MRC2: variants seen among roughly 807,000 people sequenced by gnomAD.
The protein encoded by MRC2 is C-type mannose receptor 2.
In MRC2, 84 loss-of-function variants were observed where a neutral mutation model predicts 206.2. That is an observed-to-expected ratio of 0.41 (90% CI 0.34 to 0.49). MRC2 has a LOEUF of 0.49. Ranked by LOEUF, MRC2 falls within the 20% of genes least tolerant of loss-of-function variation. The pLI is 0.31. For synonymous variants in MRC2, 798 were observed against 800.0 expected (o/e 1.00, Z 0.04); for missense variants, 1,676 against 2,001.5 (o/e 0.84, Z 3.10).
chr17:62,640,120 C>T (rs1367362382), intron 1 of MRC2, among the ~76,000 whole-genome samples: 3 of 148,806 alleles, frequency 2.0e-5, no homozygotes, highest in Non-Finnish European at 4.4e-5. Context: ...ATCTGCCTGC[C>T]TCGGCCTCCC....
intron 1 of MRC2, among the ~76,000 whole-genome samples, chr17:62,653,357 C>A (rs558308744): frequency 6.6e-6 from 1 of 152,204 alleles, no homozygotes; most frequent in African/African-American, 2.4e-5. Flanking sequence ...ACTCAGCCCG[C>A]ATTACCCCCA....
intron 1 of MRC2, among the ~76,000 whole-genome samples, chr17:62,633,328 C>T (rs1346158562): frequency 6.6e-6 from 1 of 151,540 alleles, no homozygotes; most frequent in Non-Finnish European, 1.5e-5. Context: ...CGGTGAAACC[C>T]CATCTCTACT....
chr17:62,661,564 C>T (rs2088681414), intron 1 of MRC2: 1 of 118,960 alleles, frequency 8.4e-6, no homozygotes, highest in South Asian at 3.3e-4. Flanking sequence ...CTTTCTTTCT[C>T]CTTCCTTCCT....
At chr17:62,656,149 C>T (rs544974697) in intron 1 of MRC2, among the ~76,000 whole-genome samples, 8 of 152,244 alleles carry the variant, frequency 5.3e-5, no homozygotes, top group Admixed American at 6.5e-5. Flanking sequence ...TGGGTTCAAG[C>T]GATTCTCCTA....
Position 62,671,623 on chromosome 17 carries a change from A to G in MRC2, c.1118-26A>G, listed in dbSNP as rs753201541. ...CCCAGACTGGGCGGCTCAGTCCCTGAGCAGCAGCCTCATGGGTCTCTGCAG... is the reference window on the plus strand; with the variant it reads ...CCCAGACTGGGCGGCTCAGTCCCTGGGCAGCAGCCTCATGGGTCTCTGCAG... On this transcript the variant is annotated intron_variant, in intron 6 of 29. Transcript: ENST00000303375. The surrounding 1 kb of genome is among the most constrained non-coding windows in gnomAD (Gnocchi z 4.5). The G allele has an allele frequency of 6.5e-7, 1 of 1,537,796 alleles. No individual in the cohort carries two copies. Among genetic ancestry groups the G allele is most frequent in the South Asian group, 1.3e-5 (1 of 79,064 alleles).
chr17:62,673,005 T>TA (rs567007967), intron 8 of MRC2, among the ~76,000 whole-genome samples: 1 of 126,056 alleles, frequency 7.9e-6, no homozygotes, highest in African/African-American at 3.1e-5. Context: ...AAAAAAAAAA[T>TA]AAAATAAAAA....
chr17:62,663,408 A>T (rs981816423), intron 1 of MRC2, among the ~76,000 whole-genome samples: 1 of 152,182 alleles, frequency 6.6e-6, no homozygotes, highest in Non-Finnish European at 1.5e-5. Flanking sequence ...GCATTGTGCA[A>T]CTATCATGAC....
At chr17:62,637,325 C>T (rs2088334888) in intron 1 of MRC2, among the ~76,000 whole-genome samples, 1 of 152,114 alleles carries the variant, frequency 6.6e-6, no homozygotes, top group South Asian at 2.1e-4. Flanking sequence ...CACTTGAGGT[C>T]AGGGGTTCGA....
At chr17:62,689,801 C>T (rs1350282477) in intron 24 of MRC2, 41 bp downstream of exon 24, 70 of 1,529,866 alleles carry the variant, frequency 4.6e-5, no homozygotes, top group Non-Finnish European at 5.5e-5. Flanking sequence ...CAGCCTTGCC[C>T]GGGTTCCCCT....
chr17:62,682,216 T>A lies in MRC2; in HGVS notation c.2804-19T>A. On this transcript the variant is annotated intron_variant, in intron 19 of 29. Coordinates refer to ENST00000303375, the MANE Select transcript of MRC2 (RefSeq NM_006039.5). ...TGCTCTGCCCTGGGGGTGACTGCCC[T>A]CCCCTCCCCTTTCCGCAGAGGACTG... 6.4e-7 allele frequency: 1 copy of A among 1,550,440 alleles called. No individual in the cohort carries two copies. Among genetic ancestry groups the A allele is most frequent in the Non-Finnish European group, 8.7e-7 (1 of 1,145,784 alleles).
At chr17:62,655,779 C>A (rs2088612678) in intron 1 of MRC2, among the ~76,000 whole-genome samples, 1 of 151,372 alleles carries the variant, frequency 6.6e-6, no homozygotes, top group Admixed American at 6.6e-5. Flanking sequence ...ATATTTCTAT[C>A]ACACTTCATT....
At chr17:62,688,699 G>GCTGCCCT in intron 22 of MRC2, 35 bp downstream of exon 22, 1 of 1,607,888 alleles carries the variant, frequency 6.2e-7, no homozygotes. Context: ...TCCGCACCGC[G>GCTGCCCT]CTGCCCTAAG....
At chr17:62,630,893 G>T (rs753611865) in intron 1 of MRC2, among the ~76,000 whole-genome samples, 1 of 151,994 alleles carries the variant, frequency 6.6e-6, no homozygotes, top group Non-Finnish European at 1.5e-5. Flanking sequence ...GTTCCCCCAC[G>T]CAAAACTCAG....
intron 1 of MRC2, chr17:62,661,502 CCTTTCTTTCTTTT>C (rs2088679027): frequency 1.3e-5 from 2 of 149,684 alleles, no homozygotes; most frequent in East Asian, 1.9e-4. Context: ...TTCCTTCCTT[CCTTTCTTTCTTTT>C]CTTTCTTTCT....
chr17:62,634,404 A>G (rs1226343234), intron 1 of MRC2, among the ~76,000 whole-genome samples: 4 of 152,094 alleles, frequency 2.6e-5, no homozygotes, highest in African/African-American at 4.8e-5. Context: ...AGGTTCAAGC[A>G]ATTCTCCTGC....
chr17:62,673,025 C>T (rs78217916), intron 8 of MRC2, among the ~76,000 whole-genome samples: 2,249 of 151,928 alleles, frequency 0.015, 67 homozygotes, highest in African/African-American at 0.051. Context: ...AGGAGAAAGC[C>T]GTAGGGACAC....
intron 8 of MRC2, among the ~76,000 whole-genome samples, chr17:62,673,319 C>T (rs1000666987): frequency 2.6e-5 from 4 of 152,082 alleles, no homozygotes; most frequent in African/African-American, 9.7e-5. Context: ...TAAATTCCTC[C>T]TCAGCTTCAT....
chr17:62,680,606 C>A lies in MRC2; in HGVS notation c.2473+153C>A. The A allele has an allele frequency of 7.7e-7, 1 of 1,301,904 alleles. No homozygotes were observed. Among genetic ancestry groups the A allele is most frequent in the Non-Finnish European group, 1.1e-6 (1 of 951,282 alleles). 80.6% of individuals were successfully genotyped at this position (1,301,904 alleles called of 1,614,324 possible). On this transcript the variant is annotated intron_variant, in intron 16 of 29. Coordinates refer to ENST00000303375, the MANE Select transcript of MRC2 (RefSeq NM_006039.5). This position sits in a 1 kb window ranked among gnomAD's most constrained non-coding sequence, Gnocchi z 4.8. The stretch of plus-strand genomic sequence containing the variant: ...TTGGCTCGGACGGAGGCAGCCACAG[C>A]CCTGTTTGCTTCCGTGTGGGAGGCG...
rs189968285 is a variant in MRC2, at chr17:62,691,221, C to A, written c.4192+93C>A. The A allele has an allele frequency of 8.5e-3, 12,077 of 1,413,204 alleles. 74 individuals carry two copies. Among genetic ancestry groups the A allele is most frequent in the South Asian group, 0.018 (1,339 of 72,780 alleles). 87.5% of individuals were successfully genotyped at this position (1,413,204 alleles called of 1,614,324 possible). On this transcript the variant is annotated intron_variant, in intron 28 of 29. Coordinates refer to ENST00000303375, the MANE Select transcript of MRC2 (RefSeq NM_006039.5). ...GGGGCTGCTTCACAACTGCAGGGGGCACAGCCGATGGGAAGGCCTGAACAG... is the reference window on the plus strand; with the variant it reads ...GGGGCTGCTTCACAACTGCAGGGGGAACAGCCGATGGGAAGGCCTGAACAG...
Sources: allele counts gnomAD v4.1 joint callset (sites outside exome capture counted in the v4.1 genomes callset), GRCh38; gene constraint gnomAD v4.1.1; non-coding constraint Gnocchi (gnomAD v3.1); transcripts MANE v1.5; gene names NCBI Gene and HGNC (gene_info 2026-07-23, HGNC 2026-07-21).